The following CRTAC1 variants were observed in gnomAD, a reference collection of about 807,000 sequenced individuals.
The protein encoded by CRTAC1 is cartilage acidic protein 1.
Under a neutral mutation model 67.8 loss-of-function variants are expected in CRTAC1, and 37 were observed. That is an observed-to-expected ratio of 0.55 (90% CI 0.42 to 0.72). The LOEUF (loss-of-function observed/expected upper bound fraction) is 0.72. CRTAC1 is among the 30% of genes least tolerant of loss of function. CRTAC1 has a pLI of 0.00. For synonymous variants in CRTAC1, 348 were observed against 371.0 expected, an observed-to-expected ratio of 0.94 and a Z score of 0.71; for missense variants, 780 against 931.6, an observed-to-expected ratio of 0.84 and a Z score of 2.12.
chr10:97,941,018 C>T (rs1254445300), intron 2 of CRTAC1, among the ~76,000 whole-genome samples: 1 of 152,112 alleles, frequency 6.6e-6, no homozygotes, highest in Non-Finnish European at 1.5e-5. Context: ...CCAAACTTCT[C>T]TCTCCACTTT....
chr10:97,950,318 C>G lies in CRTAC1; in HGVS notation c.225-13952G>C, dbSNP rs1477742687. ...TGGCTATTATCTGTAGCAGAGGCAG[C>G]TGCCTGGGCCCTGGGGAGCCCTAGG... On this transcript the variant is annotated intron_variant, in intron 2 of 14. Transcript: ENST00000370597. Among the ~76,000 whole-genome samples the G allele has an allele frequency of 2.0e-5, 3 of 148,348 alleles. No homozygotes were observed. In the Admixed American group the frequency reaches 2.0e-4, roughly 10 times the overall value.
chr10:97,950,974 C>T (rs975004432), intron 2 of CRTAC1, among the ~76,000 whole-genome samples: 12 of 152,184 alleles, frequency 7.9e-5, no homozygotes, highest in Admixed American at 4.6e-4. Flanking sequence ...GAGAAGCTAG[C>T]TTGGGGGCCA....
chr10:98,014,221 T>A (rs1299917780), intron 1 of CRTAC1, among the ~76,000 whole-genome samples: 4 of 152,216 alleles, frequency 2.6e-5, no homozygotes, highest in Non-Finnish European at 5.9e-5. Flanking sequence ...TGCATCGGCA[T>A]CACTTAGGAG....
intron 5 of CRTAC1, among the ~76,000 whole-genome samples, chr10:97,914,343 G>A (rs1030271854): frequency 4.6e-5 from 7 of 152,200 alleles, no homozygotes; most frequent in Non-Finnish European, 7.3e-5. Context: ...CCCTGGCATC[G>A]CTCTGGCAGA....
intron 2 of CRTAC1, among the ~76,000 whole-genome samples, chr10:97,974,885 A>G (rs2051773090): frequency 6.6e-6 from 1 of 152,168 alleles, no homozygotes; most frequent in Non-Finnish European, 1.5e-5. Context: ...ATCTCGCTGC[A>G]TTGGAAGCAG....
At chr10:97,934,749 A>C (rs1167150550) in intron 3 of CRTAC1, among the ~76,000 whole-genome samples, 2 of 152,060 alleles carry the variant, frequency 1.3e-5, no homozygotes, top group Admixed American at 1.3e-4. Flanking sequence ...GCTTCATCCA[A>C]AGCTGACCCA....
In CRTAC1 at chr10:98,025,342, C is replaced by T. The variant is rs182641012; in HGVS notation, c.24+5107G>A. ...CTACCTAGTGGATACTAGTAGCACC[C>T]CATTCCCCAGTTGTAACAAGAAAAA... On this transcript the variant is annotated intron_variant, in intron 1 of 14. Transcript: ENST00000370597. Among the ~76,000 whole-genome samples, 304 of 152,254 alleles carry T rather than the reference C, an allele frequency of 2.0e-3. 4 individuals carry two copies. Among genetic ancestry groups the T allele is most frequent in the Middle Eastern group, 6.8e-3 (2 of 294 alleles).
intron 1 of CRTAC1, among the ~76,000 whole-genome samples, chr10:98,013,449 T>C (rs1413692320): frequency 6.6e-6 from 1 of 152,222 alleles, no homozygotes; most frequent in African/African-American, 2.4e-5. Context: ...CCTTTTCTTT[T>C]AATTAAAGAA....
rs547177591 is a variant in CRTAC1, at chr10:97,925,037, C to T, written c.422-1637G>A. On this transcript the variant is annotated intron_variant, in intron 3 of 14. Coordinates refer to ENST00000370597, the MANE Select transcript of CRTAC1 (RefSeq NM_018058.7). Reference sequence around the variant, plus strand: ...ATCCCAGTACTGTGGGAGGCCAAGGCGGGCAGATCACTTGAGCCCAGGAGT... The same window carrying T: ...ATCCCAGTACTGTGGGAGGCCAAGGTGGGCAGATCACTTGAGCCCAGGAGT... Among the ~76,000 whole-genome samples, 547 of 152,104 alleles carry T rather than the reference C, an allele frequency of 3.6e-3. 2 individuals are homozygous for T. Among genetic ancestry groups the T allele is most frequent in the Non-Finnish European group, 6.4e-3 (434 of 67,986 alleles).
chr10:97,886,619 G>A (rs992731679), intron 11 of CRTAC1, among the ~76,000 whole-genome samples: 3 of 151,502 alleles, frequency 2.0e-5, no homozygotes, highest in Non-Finnish European at 4.4e-5. Context: ...GGACTGGGGA[G>A]TGCCAACTAC....
At chr10:97,962,577 A>G (rs1275845267) in intron 2 of CRTAC1, among the ~76,000 whole-genome samples, 1 of 152,186 alleles carries the variant, frequency 6.6e-6, no homozygotes, top group Non-Finnish European at 1.5e-5. Context: ...GAAACATTCC[A>G]ATTTTCCACT....
At chr10:98,001,888 G>A (rs1842695398) in intron 2 of CRTAC1, among the ~76,000 whole-genome samples, 1 of 152,248 alleles carries the variant, frequency 6.6e-6, no homozygotes, top group Admixed American at 6.5e-5. Flanking sequence ...CTGGAGAAGA[G>A]AAGGGATGTG....
intron 2 of CRTAC1, among the ~76,000 whole-genome samples, chr10:97,999,497 G>A (rs1842647712): frequency 6.6e-6 from 1 of 152,232 alleles, no homozygotes; most frequent in African/African-American, 2.4e-5. Flanking sequence ...GGGTGCCAAT[G>A]AGCACAGAAG....
chr10:98,025,455 A>C (rs1448157987), intron 1 of CRTAC1, among the ~76,000 whole-genome samples: 1 of 152,208 alleles, frequency 6.6e-6, no homozygotes, highest in African/African-American at 2.4e-5. Context: ...GGTAAAAATC[A>C]TGAGTGGTTC....
intron 2 of CRTAC1, among the ~76,000 whole-genome samples, chr10:97,989,417 A>G (rs1276478485): frequency 6.6e-6 from 1 of 152,200 alleles, no homozygotes; most frequent in South Asian, 2.1e-4. Context: ...TGCCTACTAC[A>G]TAAACTGCCT....
chr10:98,028,521 C>G (rs1409881873), intron 1 of CRTAC1, among the ~76,000 whole-genome samples: 1 of 152,112 alleles, frequency 6.6e-6, no homozygotes, highest in Non-Finnish European at 1.5e-5. Context: ...TATTGCACTC[C>G]CTAGAATTAC....
At chr10:97,996,617 C>A (rs1262538933) in intron 2 of CRTAC1, among the ~76,000 whole-genome samples, 1 of 152,180 alleles carries the variant, frequency 6.6e-6, no homozygotes, top group African/African-American at 2.4e-5. Context: ...GAAATAGGAA[C>A]ACTTTTACAC....
chr10:97,887,447 T>C (rs2050302557), intron 11 of CRTAC1, among the ~76,000 whole-genome samples: 1 of 152,170 alleles, frequency 6.6e-6, no homozygotes, highest in African/African-American at 2.4e-5. Flanking sequence ...TTCTCCATGT[T>C]GGTCAGGCTG....
chr10:97,950,242 CACACAGAGAG>C (rs1463258372), intron 2 of CRTAC1, among the ~76,000 whole-genome samples: 197 of 117,584 alleles, frequency 1.7e-3, no homozygotes, highest in African/African-American at 5.9e-3. Context: ...TGCACACACA[CACACAGAGAG>C]AGAGAGAGAG....
Sources: allele counts gnomAD v4.1 joint callset (sites outside exome capture counted in the v4.1 genomes callset), GRCh38; gene constraint gnomAD v4.1.1; transcripts MANE v1.5; gene names NCBI Gene and HGNC (gene_info 2026-07-23, HGNC 2026-07-21).